Variants in HPSE2 observed in about 807,000 individuals in gnomAD.
HPSE2 encodes the protein inactive heparanase-2.
In HPSE2, 38 loss-of-function variants were observed where a neutral mutation model predicts 60.5. That is an observed-to-expected ratio of 0.63 (90% confidence interval 0.48 to 0.82). HPSE2 has a LOEUF of 0.82. Ranked by LOEUF, HPSE2 falls within the 40% of genes least tolerant of loss-of-function variation. HPSE2 has a pLI of 0.00. For missense variants in HPSE2, 713 were observed against 740.4 expected (o/e 0.96, Z 0.43); for synonymous variants, 295 against 293.2 (o/e 1.01, Z -0.06).
chr10:99,049,717 AATT>A lies in HPSE2; in HGVS notation c.610+94518_610+94520del, dbSNP rs796969185. ...TATAATAAAGATATACCAGATAAAT[AATT>A]ATTAACAAATAATAATTAAAAGGAT... On this transcript the variant is annotated intron_variant, in intron 3 of 11. Transcript: ENST00000370552. 3.4e-4 allele frequency among the ~76,000 whole-genome samples: 52 copies of A among 152,256 alleles called. 1 individual carries two copies. In the South Asian group the frequency reaches 0.011, roughly 32 times the overall value.
At chr10:98,606,897 T>C (rs1206230699) in intron 9 of HPSE2, among the ~76,000 whole-genome samples, 1 of 152,194 alleles carries the variant, frequency 6.6e-6, no homozygotes, top group Admixed American at 6.5e-5. Flanking sequence ...TTCCTACAGG[T>C]CACAACCAGA....
At chr10:98,768,290 G>T (rs1201973649) in intron 3 of HPSE2, among the ~76,000 whole-genome samples, 1 of 152,120 alleles carries the variant, frequency 6.6e-6, no homozygotes, top group Non-Finnish European at 1.5e-5. Context: ...AGGAAAAAAA[G>T]TTCAACACAC....
chr10:99,216,023 C>T (rs1849109188), intron 2 of HPSE2, among the ~76,000 whole-genome samples: 1 of 152,130 alleles, frequency 6.6e-6, no homozygotes, highest in Non-Finnish European at 1.5e-5. Flanking sequence ...GATAATGTTG[C>T]TGATATTGTT....
chr10:98,616,923 C>T (rs1304439136), intron 8 of HPSE2, among the ~76,000 whole-genome samples: 1 of 152,150 alleles, frequency 6.6e-6, no homozygotes. Flanking sequence ...CTATGAAATA[C>T]CTTGTCAAAG....
At chr10:99,044,513 C>T (rs2862450) in intron 3 of HPSE2, among the ~76,000 whole-genome samples, 7,234 of 152,112 alleles carry the variant, frequency 0.048, 237 homozygotes, top group Non-Finnish European at 0.072. Context: ...TCAAAAGTAA[C>T]GCTGAATGTA....
chr10:98,909,334 G>GTTT (rs781551587), intron 3 of HPSE2, among the ~76,000 whole-genome samples: 1 of 141,896 alleles, frequency 7.0e-6, no homozygotes, highest in Non-Finnish European at 1.6e-5. Flanking sequence ...ATTCAAAAAA[G>GTTT]TTTTTTTTTT....
intron 6 of HPSE2, among the ~76,000 whole-genome samples, chr10:98,664,927 A>G (rs1947323682): frequency 6.6e-6 from 1 of 152,042 alleles, no homozygotes; most frequent in African/African-American, 2.4e-5. Context: ...AGCCACCCCA[A>G]CCCCCAAATG....
At chr10:99,147,169 G>A (rs1412715340) in intron 2 of HPSE2, among the ~76,000 whole-genome samples, 1 of 152,248 alleles carries the variant, frequency 6.6e-6, no homozygotes, top group African/African-American at 2.4e-5. Context: ...CACAAAACCT[G>A]GTCAGTGCTC....
chr10:99,146,819 C>T (rs1846073913), intron 2 of HPSE2, among the ~76,000 whole-genome samples: 1 of 151,542 alleles, frequency 6.6e-6, no homozygotes, highest in African/African-American at 2.4e-5. Context: ...CGAGATCGTA[C>T]CACTGCACTC....
intron 3 of HPSE2, among the ~76,000 whole-genome samples, chr10:98,945,626 A>G (rs1955158264): frequency 6.6e-6 from 1 of 152,174 alleles, no homozygotes; most frequent in Non-Finnish European, 1.5e-5. Flanking sequence ...GGTAGACACA[A>G]TTATAACTCT....
At chr10:99,174,389 T>C (rs1403102869) in intron 2 of HPSE2, among the ~76,000 whole-genome samples, 2 of 152,216 alleles carry the variant, frequency 1.3e-5, no homozygotes, top group Non-Finnish European at 2.9e-5. Flanking sequence ...TCTACTTCTG[T>C]AGCTTCTATA....
intron 3 of HPSE2, among the ~76,000 whole-genome samples, chr10:99,011,385 A>G (rs561249027): frequency 6.6e-6 from 1 of 152,280 alleles, no homozygotes; most frequent in South Asian, 2.1e-4. Context: ...TTGAAATTTA[A>G]AAGGCTGAAA....
chr10:98,904,019 C>T (rs1953739113), intron 3 of HPSE2, among the ~76,000 whole-genome samples: 1 of 152,070 alleles, frequency 6.6e-6, no homozygotes, highest in African/African-American at 2.4e-5. Flanking sequence ...GAAAATGTCA[C>T]CCAACTCACT....
chr10:98,882,351 T>C (rs1953046519), intron 3 of HPSE2, among the ~76,000 whole-genome samples: 1 of 152,082 alleles, frequency 6.6e-6, no homozygotes, highest in Non-Finnish European at 1.5e-5. Context: ...TTGATTAATA[T>C]ACTAACAGAC....
chr10:99,242,289 T>C, the HPSE2 span, among the ~76,000 whole-genome samples: 3 of 152,144 alleles, frequency 2.0e-5, no homozygotes, highest in African/African-American at 4.8e-5. Flanking sequence ...ATGTGTAATA[T>C]CCCTGGGAAA....
At chr10:99,051,718 G>A (rs1957995506) in intron 3 of HPSE2, among the ~76,000 whole-genome samples, 1 of 152,180 alleles carries the variant, frequency 6.6e-6, no homozygotes, top group Admixed American at 6.5e-5. Context: ...CAGGGAGAGT[G>A]TGTTTTAAGT....
chr10:98,532,144 T>TA (rs1943149505), intron 9 of HPSE2, among the ~76,000 whole-genome samples: 1 of 152,212 alleles, frequency 6.6e-6, no homozygotes, highest in Admixed American at 6.5e-5. Context: ...GACAGACCCC[T>TA]AATCTATCGC....
intron 3 of HPSE2, among the ~76,000 whole-genome samples, chr10:98,753,099 C>A (rs1267521311): frequency 6.6e-5 from 10 of 152,000 alleles, no homozygotes; most frequent in African/African-American, 2.4e-4. Context: ...ATTACAGTTA[C>A]ATAGGAGGAA....
intron 3 of HPSE2, among the ~76,000 whole-genome samples, chr10:98,871,984 T>C (rs574215320): frequency 2.8e-4 from 43 of 152,136 alleles, no homozygotes; most frequent in Non-Finnish European, 4.7e-4. Context: ...ACCAATTTAC[T>C]TCTTTGTCCT....
Sources: allele counts gnomAD v4.1 joint callset (sites outside exome capture counted in the v4.1 genomes callset), GRCh38; gene constraint gnomAD v4.1.1; transcripts MANE v1.5; gene names NCBI Gene and HGNC (gene_info 2026-07-23, HGNC 2026-07-21).